Variants in ATRNL1 observed in about 807,000 individuals in gnomAD.
ATRNL1 encodes the protein attractin-like protein 1.
Under a neutral mutation model 182.7 loss-of-function variants are expected in ATRNL1, and 95 were observed. That is an observed-to-expected ratio of 0.52 (90% CI 0.44 to 0.62). The LOEUF is 0.62. Among genes scored for constraint, ATRNL1 ranks in the 20% least tolerant of loss-of-function variants. The pLI, the probability that ATRNL1 is intolerant of heterozygous loss-of-function variation, is 0.00. For missense variants in ATRNL1, 1,471 were observed against 1,679.5 expected (o/e 0.88, Z 2.17); for synonymous variants, 576 against 568.3 (o/e 1.01, Z -0.19).
intron 7 of ATRNL1, among the ~76,000 whole-genome samples, chr10:115,170,300 T>A (rs1847238020): frequency 6.6e-6 from 1 of 152,142 alleles, no homozygotes; most frequent in African/African-American, 2.4e-5. Flanking sequence ...AAAATTTTTT[T>A]CTATTTCTAG....
rs1229650131 is a variant in ATRNL1 at position 115,286,152 on chromosome 10, A to C, written c.2234-64A>C. ...TAAACAAATACAGAAGTACTTTGAAATAATTGAAAAATACATTTGCTTTTT... is the reference window on the plus strand; with the variant it reads ...TAAACAAATACAGAAGTACTTTGAACTAATTGAAAAATACATTTGCTTTTT... On this transcript the variant is annotated intron_variant, in intron 14 of 28. Transcript: ENST00000355044. 6 of 758,606 alleles carry C rather than the reference A, an allele frequency of 7.9e-6. No individual in the cohort carries two copies. In the East Asian group the frequency reaches 1.6e-4, roughly 20 times the overall value. 47.0% of individuals were successfully genotyped at this position (758,606 alleles called of 1,614,324 possible). A position where few individuals can be genotyped will look rare whatever the true frequency, so the allele number is the denominator to read the frequency against.
chr10:115,641,297 A>G (rs1290373784), intron 26 of ATRNL1, among the ~76,000 whole-genome samples: 3 of 152,226 alleles, frequency 2.0e-5, no homozygotes, highest in African/African-American at 4.8e-5. Context: ...ACTTGATCAT[A>G]TAATCAATTG....
intron 26 of ATRNL1, among the ~76,000 whole-genome samples, chr10:115,715,334 C>T (rs1318906522): frequency 1.3e-5 from 2 of 152,118 alleles, no homozygotes; most frequent in Non-Finnish European, 2.9e-5. Flanking sequence ...AGCTAGGGAA[C>T]TTCTTGGGTA....
chr10:115,694,756 A>G (rs1252161817), intron 26 of ATRNL1, among the ~76,000 whole-genome samples: 2 of 152,106 alleles, frequency 1.3e-5, no homozygotes, highest in African/African-American at 2.4e-5. Context: ...GCATTTCCCC[A>G]GGTGGGAATA....
intron 14 of ATRNL1, among the ~76,000 whole-genome samples, chr10:115,283,461 T>G (rs1852466335): frequency 6.6e-6 from 1 of 152,098 alleles, no homozygotes; most frequent in Non-Finnish European, 1.5e-5. Flanking sequence ...TGGAATGTCA[T>G]TCATACTTTG....
chr10:115,581,476 T>G (rs2769372), intron 26 of ATRNL1, among the ~76,000 whole-genome samples: 147,991 of 152,184 alleles, frequency 0.97, 72,119 homozygotes, highest in East Asian at 1. Context: ...CTGATCTAGA[T>G]GCATAGTTAT....
rs1324649177 is a variant in ATRNL1, at chr10:115,863,418, A to C, written c.4018+15427A>C. 2.0e-5 allele frequency among the ~76,000 whole-genome samples: 3 copies of C among 152,340 alleles called. No homozygotes were observed. In the East Asian group the frequency reaches 5.8e-4, roughly 29 times the overall value. On this transcript the variant is annotated intron_variant, in intron 28 of 28. Coordinates refer to ENST00000355044, the MANE Select transcript of ATRNL1 (RefSeq NM_207303.4). ...ATAGTTGTATATTTGTTTCTTCTACAAACAGGAGCATGGACCAGCAATTCT... is the reference window on the plus strand; with the variant it reads ...ATAGTTGTATATTTGTTTCTTCTACCAACAGGAGCATGGACCAGCAATTCT...
intron 25 of ATRNL1, among the ~76,000 whole-genome samples, chr10:115,535,004 AG>A (rs1851876231): frequency 6.6e-6 from 1 of 152,056 alleles, no homozygotes; most frequent in Non-Finnish European, 1.5e-5. Context: ...CTTCCCTTTG[AG>A]GGTAACCCGA....
At chr10:115,450,473 TC>T (rs1554967430) in intron 21 of ATRNL1, among the ~76,000 whole-genome samples, 2 of 152,166 alleles carry the variant, frequency 1.3e-5, no homozygotes, top group Admixed American at 6.6e-5. Context: ...TTACTAGTGT[TC>T]CTATGCACCA....
intron 27 of ATRNL1, among the ~76,000 whole-genome samples, chr10:115,833,376 C>T (rs2907559): frequency 0.77 from 117,800 of 152,044 alleles, 45,753 homozygotes; most frequent in Admixed American, 0.83. Context: ...CACGGCATAG[C>T]GTGCTCAATG....
At chr10:115,491,495 C>T (rs1849298840) in intron 24 of ATRNL1, among the ~76,000 whole-genome samples, 1 of 152,170 alleles carries the variant, frequency 6.6e-6, no homozygotes, top group African/African-American at 2.4e-5. Flanking sequence ...CCTTGCTGAG[C>T]TGCAGTGGGC....
chr10:115,914,158 G>A (rs148893622), intron 28 of ATRNL1, among the ~76,000 whole-genome samples: 39 of 152,276 alleles, frequency 2.6e-4, no homozygotes, highest in Admixed American at 1.2e-3. Context: ...GAAGAAGAAC[G>A]TGTTTGCTTC....
intron 27 of ATRNL1, among the ~76,000 whole-genome samples, chr10:115,745,269 A>G (rs879969882): frequency 2.0e-5 from 3 of 152,040 alleles, no homozygotes; most frequent in Admixed American, 2.0e-4. Flanking sequence ...CACTTAGCAC[A>G]ATACTTTCAA....
chr10:115,170,041 A>C (rs1484208720), intron 7 of ATRNL1, among the ~76,000 whole-genome samples: 3 of 152,144 alleles, frequency 2.0e-5, no homozygotes, highest in African/African-American at 7.2e-5. Flanking sequence ...GCTTTTTAAA[A>C]AAATTTTTAG....
At chr10:115,253,581 T>C (rs1850976183) in intron 10 of ATRNL1, among the ~76,000 whole-genome samples, 1 of 152,138 alleles carries the variant, frequency 6.6e-6, no homozygotes, top group African/African-American at 2.4e-5. Context: ...ATGTTCATCA[T>C]TGGTGGGCAG....
intron 26 of ATRNL1, among the ~76,000 whole-genome samples, chr10:115,574,545 CT>C (rs1854596772): frequency 6.6e-6 from 1 of 152,046 alleles, no homozygotes; most frequent in Non-Finnish European, 1.5e-5. Context: ...GTATCTTAAT[CT>C]TTTATATTTT....
intron 25 of ATRNL1, among the ~76,000 whole-genome samples, chr10:115,533,187 C>T (rs1592802139): frequency 6.6e-6 from 1 of 151,440 alleles, no homozygotes; most frequent in South Asian, 2.1e-4. Flanking sequence ...GTACCAGTTC[C>T]TCCTTGTACC....
intron 25 of ATRNL1, among the ~76,000 whole-genome samples, chr10:115,537,441 G>A (rs1554990844): frequency 6.6e-6 from 1 of 151,934 alleles, no homozygotes; most frequent in Non-Finnish European, 1.5e-5. Flanking sequence ...TGAATACTTG[G>A]GACTCATTTA....
At chr10:115,368,224 G>A (rs543204574) in intron 19 of ATRNL1, among the ~76,000 whole-genome samples, 101 of 148,888 alleles carry the variant, frequency 6.8e-4, no homozygotes, top group African/African-American at 2.3e-3. Flanking sequence ...ATATAATCTC[G>A]CGGTGCGCCG....
Sources: gnomAD v4.1 joint callset for allele counts (sites outside exome capture counted in the v4.1 genomes callset) on GRCh38, gnomAD v4.1.1 for gene constraint, MANE v1.5 for transcripts, NCBI Gene and HGNC (gene_info 2026-07-23, HGNC 2026-07-21) for gene names.